GALNT9: variants seen among roughly 807,000 people sequenced by gnomAD.
The protein encoded by GALNT9 is polypeptide N-acetylgalactosaminyltransferase 9, also known as GalNAc transferase 9.
Under a neutral mutation model 63.1 loss-of-function variants are expected in GALNT9, and 47 were observed. The observed-to-expected ratio is 0.75, with a 90% CI of 0.59 to 0.95. GALNT9 has a LOEUF of 0.95. GALNT9 is among the 40% of genes least tolerant of loss of function. The pLI, the probability that GALNT9 is intolerant of heterozygous loss-of-function variation, is 0.00. For synonymous variants in GALNT9, 396 were observed against 365.7 expected (o/e 1.08, Z -0.94); for missense variants, 829 against 874.8 (o/e 0.95, Z 0.66).
intron 5 of GALNT9, among the ~76,000 whole-genome samples, chr12:132,255,614 A>ATAACT (rs1354528801): frequency 3.3e-5 from 5 of 152,220 alleles, no homozygotes; most frequent in African/African-American, 1.2e-4. Context: ...TCTTTAGATA[A>ATAACT]TAACTTAACT....
At chr12:132,264,550 ATGGCCGGAGGCCGTGTCCGCG>A (rs1442270144) in intron 2 of GALNT9, among the ~76,000 whole-genome samples, 25 of 152,198 alleles carry the variant, frequency 1.6e-4, no homozygotes, top group Admixed American at 2.0e-4. Flanking sequence ...GCCTGTCCGC[ATGGCCGGAGGCCGTGTCCGCG>A]TGGCCGGAGG....
At chr12:132,259,872 G>T (rs1949147749) in intron 4 of GALNT9, among the ~76,000 whole-genome samples, 1 of 152,190 alleles carries the variant, frequency 6.6e-6, no homozygotes, top group African/African-American at 2.4e-5. Context: ...TTCAGTTTTT[G>T]TTTCTCCAGG....
intron 1 of GALNT9, among the ~76,000 whole-genome samples, chr12:132,293,784 C>T: frequency 6.9e-6 from 1 of 144,638 alleles, no homozygotes; most frequent in Non-Finnish European, 1.6e-5. Flanking sequence ...AGGGGCAGAA[C>T]GAGAAGCCGG....
Position 132,329,261 on chromosome 12 carries a change from C to T in GALNT9, c.-58G>A, listed in dbSNP as rs1260822346. ...GGCATCCCCAGCATCCCCGCCCGGG[C>T]CTGGGCTTCAGCTTCGGCTTCGGGG... On this transcript the variant is annotated 5_prime_UTR_variant, in exon 1 of 11. Coordinates refer to ENST00000328957, the MANE Select transcript of GALNT9 (RefSeq NM_001122636.2). 1 of 1,509,464 alleles carries T rather than the reference C, an allele frequency of 6.6e-7. No homozygotes were observed. The highest frequency in any genetic ancestry group is 1.4e-5 in the African/African-American group (1 of 71,562). 93.5% of individuals were successfully genotyped at this position (1,509,464 alleles called of 1,614,324 possible).
At chr12:132,197,565 G>A (rs538513514) in intron 10 of GALNT9, among the ~76,000 whole-genome samples, 1 of 148,826 alleles carries the variant, frequency 6.7e-6, no homozygotes, top group East Asian at 1.9e-4. Context: ...TGATCAGACT[G>A]TCCAGCCCGA....
chr12:132,217,918 C>T (rs1178006708), intron 6 of GALNT9, among the ~76,000 whole-genome samples: 1 of 150,932 alleles, frequency 6.6e-6, no homozygotes, highest in Non-Finnish European at 1.5e-5. Context: ...CATCCACCCA[C>T]CCACCCATCC....
intron 2 of GALNT9, among the ~76,000 whole-genome samples, chr12:132,281,344 G>A (rs1880335379): frequency 6.6e-6 from 1 of 152,234 alleles, no homozygotes; most frequent in African/African-American, 2.4e-5. Flanking sequence ...TGAGGGGCAG[G>A]CGAGGGGCCA....
intron 7 of GALNT9, among the ~76,000 whole-genome samples, chr12:132,202,680 T>G (rs1187592914): frequency 6.6e-6 from 1 of 151,892 alleles, no homozygotes; most frequent in African/African-American, 2.4e-5. Context: ...GACAAGCCCG[T>G]TTCTAAGATG....
rs1358760851 is a variant in GALNT9 at position 132,315,972 on chromosome 12, T to C, written c.238+12994A>G. Among the ~76,000 whole-genome samples, 1 of 151,662 alleles carries C rather than the reference T, an allele frequency of 6.6e-6. No individual in the cohort carries two copies. The highest frequency in any genetic ancestry group is 2.4e-5 in the African/African-American group (1 of 41,214). On this transcript the variant is annotated intron_variant, in intron 1 of 10. Transcript: ENST00000328957. This position sits in a 1 kb window ranked among gnomAD's most constrained non-coding sequence, Gnocchi z 6.1. ...GAACAGTCTCCAGAATGTTCGAGAGTGGAGGGTGGTGGGGACGCGGGGTCC... is the reference window on the plus strand; with the variant it reads ...GAACAGTCTCCAGAATGTTCGAGAGCGGAGGGTGGTGGGGACGCGGGGTCC...
At position 132,304,503 on chromosome 12, in the gene GALNT9, G is replaced by A. The variant is rs1467593123; in HGVS notation, c.239-18073C>T. ...CGCTCACCCAGACACACCCTTGCCC[G>A]GGCACACCCTCGCCCGGACACACCC... is the stretch of plus-strand genomic sequence containing the variant. On this transcript the variant is annotated intron_variant, in intron 1 of 10. Transcript: ENST00000328957. Among the ~76,000 whole-genome samples the A allele has an allele frequency of 3.6e-4, 21 of 58,112 alleles. 6 individuals carry two copies. Among genetic ancestry groups the A allele is most frequent in the African/African-American group, 1.7e-3 (16 of 9,372 alleles). The allele number at this position is 58,112 out of a possible 152,430, so 38.1% of individuals were successfully genotyped here.
intron 6 of GALNT9, among the ~76,000 whole-genome samples, chr12:132,222,944 CCA>C (rs1169265615): frequency 4.7e-5 from 4 of 85,548 alleles, no homozygotes; most frequent in African/African-American, 1.3e-4. Flanking sequence ...CCCACACACA[CCA>C]CACAACTCAC....
At chr12:132,260,806 G>C in intron 4 of GALNT9, 142 bp downstream of exon 4, 1 of 1,229,114 alleles carries the variant, frequency 8.1e-7, no homozygotes. Context: ...GTGGCTCTCA[G>C]TCCCAGATCC....
chr12:132,278,685 G>A (rs1296283205), intron 2 of GALNT9: 1 of 152,234 alleles, frequency 6.6e-6, no homozygotes, highest in Non-Finnish European at 1.5e-5. Flanking sequence ...CTTCCATCGC[G>A]GGACAGAAGA....
intron 5 of GALNT9, among the ~76,000 whole-genome samples, chr12:132,250,322 T>G (rs1054003934): frequency 2.7e-5 from 4 of 150,514 alleles, no homozygotes; most frequent in African/African-American, 9.8e-5. Context: ...GGGTGTGGGG[T>G]CCCCACGGGG....
intron 1 of GALNT9, among the ~76,000 whole-genome samples, chr12:132,303,470 C>G (rs797028345): frequency 0.12 from 9,820 of 79,652 alleles, 598 homozygotes; most frequent in South Asian, 0.25. Context: ...CCCGGACACA[C>G]CCTCACCCGG....
intron 10 of GALNT9, 24 bp from the exon 11 acceptor site, chr12:132,197,277 C>T: frequency 6.2e-7 from 1 of 1,607,540 alleles, no homozygotes; most frequent in Non-Finnish European, 8.5e-7. Flanking sequence ...CACATCAAGT[C>T]AGCCAGGTGC....
chr12:132,199,071 C>T, intron 9 of GALNT9, 103 bp downstream of exon 9: 1 of 734,666 alleles, frequency 1.4e-6, no homozygotes, highest in African/African-American at 1.7e-5. Flanking sequence ...GGCCTCAGAA[C>T]ACCCCAGCAG....
At chr12:132,308,187 A>G (rs1409685236) in intron 1 of GALNT9, among the ~76,000 whole-genome samples, 3 of 152,204 alleles carry the variant, frequency 2.0e-5, no homozygotes, top group African/African-American at 7.2e-5. Flanking sequence ...CTGGGAGGGA[A>G]GGACAGACCC....
chr12:132,225,799 C>A (rs1877651514), intron 6 of GALNT9, among the ~76,000 whole-genome samples: 1 of 137,806 alleles, frequency 7.3e-6, no homozygotes, highest in Non-Finnish European at 1.6e-5. Context: ...CGCCACACAA[C>A]CCACACCCCA....
Sources: gnomAD v4.1 joint callset for allele counts (sites outside exome capture counted in the v4.1 genomes callset) on GRCh38, gnomAD v4.1.1 for gene constraint, Gnocchi (gnomAD v3.1) non-coding constraint, MANE v1.5 for transcripts, NCBI Gene and HGNC (gene_info 2026-07-23, HGNC 2026-07-21) for gene names.